The following MAP3K7 variants were observed in gnomAD, a reference collection of about 807,000 sequenced individuals.
MAP3K7 encodes the protein mitogen-activated protein kinase kinase kinase 7, also known as TGF-beta activated kinase 1.
A neutral mutation model predicts 84.8 loss-of-function variants in MAP3K7; 21 were observed. The ratio of observed to expected loss-of-function variants is 0.25; its 90% CI spans 0.18 to 0.36. MAP3K7 has a LOEUF of 0.36. Ranked by LOEUF, MAP3K7 falls within the 10% of genes least tolerant of loss-of-function variation. The pLI, the probability that MAP3K7 is intolerant of heterozygous loss-of-function variation, is 1.00. For synonymous variants in MAP3K7, 241 were observed against 247.7 expected, an observed-to-expected ratio of 0.97 and a Z score of 0.25; for missense variants, 503 against 747.7, an observed-to-expected ratio of 0.67 and a Z score of 3.82.
At chr6:90,531,882 G>A (rs2127962006) in intron 13 of MAP3K7, among the ~76,000 whole-genome samples, 1 of 151,902 alleles carries the variant, frequency 6.6e-6, no homozygotes, top group East Asian at 1.9e-4. Context: ...CTTGAACTCA[G>A]GAGGCAGAGG....
rs528291304 is a variant in MAP3K7, at chr6:90,560,006, T to A, written c.482+70A>T. On this transcript the variant is annotated intron_variant, in intron 5 of 16. Coordinates refer to ENST00000369329, the MANE Select transcript of MAP3K7 (RefSeq NM_145331.3). Reference sequence around the variant, plus strand: ...ACAATAATGAGCTTGAATTAGAGAGTGGGTTCGGGGTGGTGAGAGTGAGAG... The same window carrying A: ...ACAATAATGAGCTTGAATTAGAGAGAGGGTTCGGGGTGGTGAGAGTGAGAG... 3 of 1,549,630 alleles carry A rather than the reference T, an allele frequency of 1.9e-6. No individual in the cohort carries two copies. The African/African-American group carries it at 4.1e-5, about 21-fold the overall frequency.
chr6:90,520,372 G>A (rs977497014), intron 14 of MAP3K7, among the ~76,000 whole-genome samples: 7 of 142,208 alleles, frequency 4.9e-5, no homozygotes, highest in African/African-American at 7.4e-5. Context: ...GATAATCCAG[G>A]TGTTTTTTTT....
chr6:90,576,419 T>TCTCTCA (rs1258151898), intron 1 of MAP3K7, among the ~76,000 whole-genome samples: 2 of 136,874 alleles, frequency 1.5e-5, no homozygotes, highest in Admixed American at 7.3e-5. Context: ...CTAGACTCTG[T>TCTCTCA]CACACACACA....
intron 14 of MAP3K7, 148 bp downstream of exon 14, chr6:90,523,530 A>T: frequency 2.1e-6 from 1 of 480,516 alleles, no homozygotes; most frequent in South Asian, 5.0e-5. Context: ...ATGGTATTTT[A>T]ACATGTATTA....
At chr6:90,582,151 T>C (rs1458619522) in intron 1 of MAP3K7, among the ~76,000 whole-genome samples, 2 of 152,184 alleles carry the variant, frequency 1.3e-5, no homozygotes, top group African/African-American at 2.4e-5. Flanking sequence ...TCATAGCATC[T>C]GGCCCTTTAC....
chr6:90,559,386 G>A (rs1204847983), intron 5 of MAP3K7, among the ~76,000 whole-genome samples: 1 of 152,038 alleles, frequency 6.6e-6, no homozygotes, highest in African/African-American at 2.4e-5. Flanking sequence ...GGGAGCTTGG[G>A]GGGAGGGTAA....
chr6:90,518,581 G>C lies in MAP3K7; in HGVS notation c.1525-19C>G. On this transcript the variant is annotated intron_variant, in intron 15 of 16. Coordinates refer to ENST00000369329, the MANE Select transcript of MAP3K7 (RefSeq NM_145331.3). ...CTAGAGGCTGAAAATAATCAGGAAT[G>C]TTAAAACATAATTAAATCAAATTTC... 7.9e-7 allele frequency: 1 copy of C among 1,264,592 alleles called. No individual in the cohort carries two copies. Among genetic ancestry groups the C allele is most frequent in the Non-Finnish European group, 1.2e-6 (1 of 866,024 alleles). 78.3% of individuals were successfully genotyped at this position (1,264,592 alleles called of 1,614,324 possible). A position where few individuals can be genotyped will look rare whatever the true frequency, so the allele number is the denominator to read the frequency against.
chr6:90,518,041 T>G (rs969906329), intron 16 of MAP3K7, among the ~76,000 whole-genome samples: 7 of 151,900 alleles, frequency 4.6e-5, no homozygotes, highest in Admixed American at 3.3e-4. Flanking sequence ...AACACTCAGT[T>G]ATGAAATACA....
intron 12 of MAP3K7, 89 bp downstream of exon 12, chr6:90,544,462 TA>T: frequency 8.8e-7 from 1 of 1,130,642 alleles, no homozygotes; most frequent in Non-Finnish European, 1.3e-6. Context: ...TCATGTCTTG[TA>T]AAAATTGGAG....
chr6:90,586,641 G>T, intron 1 of MAP3K7, 123 bp downstream of exon 1: 1 of 1,323,494 alleles, frequency 7.6e-7, no homozygotes, highest in Non-Finnish European at 1.0e-6. Flanking sequence ...GGGGTCTCCC[G>T]GGTGGACCCC....
At chr6:90,531,684 G>T (rs1007363249) in intron 13 of MAP3K7, among the ~76,000 whole-genome samples, 3 of 152,166 alleles carry the variant, frequency 2.0e-5, no homozygotes, top group Non-Finnish European at 4.4e-5. Context: ...CAGGCATAGT[G>T]GCTCACGACT....
At chr6:90,552,213 T>C in intron 7 of MAP3K7, 34 bp from the exon 8 acceptor site, 1 of 1,573,054 alleles carries the variant, frequency 6.4e-7, no homozygotes, top group Non-Finnish European at 8.7e-7. Flanking sequence ...GGGGGAAGAA[T>C]GTATTTACCC....
At chr6:90,542,238 T>A (rs951796649) in intron 12 of MAP3K7, 2 of 983,912 alleles carry the variant, frequency 2.0e-6, no homozygotes, top group Non-Finnish European at 2.4e-6. Context: ...ATATTTAATT[T>A]AAAAACATTA....
intron 7 of MAP3K7, among the ~76,000 whole-genome samples, chr6:90,552,797 A>T (rs1233785866): frequency 6.6e-6 from 1 of 152,238 alleles, no homozygotes; most frequent in Non-Finnish European, 1.5e-5. Flanking sequence ...TAAAAGAAAC[A>T]GGACAGATGC....
At position 90,571,591 on chromosome 6, in the gene MAP3K7, T is replaced by C. The variant is rs1428150806; in HGVS notation, c.231+106A>G. 3 of 564,756 alleles carry C rather than the reference T, an allele frequency of 5.3e-6. No homozygotes were observed. The African/African-American group carries it at 5.9e-5, about 11-fold the overall frequency. The allele number at this position is 564,756 out of a possible 1,614,324, so 35.0% of individuals were successfully genotyped here. A position where few individuals can be genotyped will look rare whatever the true frequency, so the allele number is the denominator to read the frequency against. ...GATTAAACCGAATTGCTGATGTTCATGTATACAAAGAAATGACATCTGAGA... is the reference window on the plus strand; with the variant it reads ...GATTAAACCGAATTGCTGATGTTCACGTATACAAAGAAATGACATCTGAGA... On this transcript the variant is annotated intron_variant, in intron 2 of 16. Transcript: ENST00000369329.
intron 12 of MAP3K7, 148 bp from the exon 13 acceptor site, chr6:90,536,549 A>G (rs1775686360): frequency 4.9e-5 from 13 of 264,164 alleles, no homozygotes; most frequent in Non-Finnish European, 7.9e-5. Context: ...TATTGCTAAG[A>G]AAAAAAAAAA....
At chr6:90,576,210 T>C (rs1215782087) in intron 1 of MAP3K7, among the ~76,000 whole-genome samples, 5 of 151,506 alleles carry the variant, frequency 3.3e-5, no homozygotes, top group African/African-American at 1.2e-4. Flanking sequence ...GATCACGAGG[T>C]CAGGAGATTG....
intron 3 of MAP3K7, among the ~76,000 whole-genome samples, chr6:90,563,742 G>A (rs904033482): frequency 2.6e-5 from 4 of 152,148 alleles, no homozygotes; most frequent in Non-Finnish European, 5.9e-5. Flanking sequence ...TCCTCGAGAA[G>A]AGCAACTCCA....
In MAP3K7 at chr6:90,516,413, A is replaced by T; in HGVS notation, c.*88T>A. On this transcript the variant is annotated 3_prime_UTR_variant, in exon 17 of 17. Coordinates refer to ENST00000369329, the MANE Select transcript of MAP3K7 (RefSeq NM_145331.3). ...GCATTCAGAACACGCCAAAAAGCTAACACTCATGAATCGTCATTATAAGGT... is the reference window on the plus strand; with the variant it reads ...GCATTCAGAACACGCCAAAAAGCTATCACTCATGAATCGTCATTATAAGGT... 7.3e-7 allele frequency: 1 copy of T among 1,365,832 alleles called. No individual in the cohort carries two copies. The highest frequency in any genetic ancestry group is 1.0e-6 in the Non-Finnish European group (1 of 980,236). 84.6% of individuals were successfully genotyped at this position (1,365,832 alleles called of 1,614,324 possible). A position where few individuals can be genotyped will look rare whatever the true frequency, so the allele number is the denominator to read the frequency against.
Sources: gnomAD v4.1 joint callset for allele counts (sites outside exome capture counted in the v4.1 genomes callset) on GRCh38, gnomAD v4.1.1 for gene constraint, MANE v1.5 for transcripts, NCBI Gene and HGNC (gene_info 2026-07-23, HGNC 2026-07-21) for gene names.